Variants in SRBD1 observed in about 807,000 individuals in gnomAD.
SRBD1 encodes S1 RNA-binding domain-containing protein 1.
In SRBD1, 88 loss-of-function variants were observed where a neutral mutation model predicts 115.3. The ratio of observed to expected loss-of-function variants is 0.76; its 90% confidence interval spans 0.64 to 0.91. The LOEUF is 0.91. Among genes scored for constraint, SRBD1 ranks in the 40% least tolerant of loss-of-function variants. The pLI, the probability that SRBD1 is intolerant of heterozygous loss-of-function variation, is 0.00. For synonymous variants in SRBD1, 509 were observed against 407.7 expected (o/e 1.25, Z -2.99); for missense variants, 1,385 against 1,177.4 (o/e 1.18, Z -2.58).
intron 4 of SRBD1, among the ~76,000 whole-genome samples, chr2:45,596,943 CACACACACCCACAACCCTA>C (rs1349782653): frequency 6.7e-6 from 1 of 148,454 alleles, no homozygotes; most frequent in Non-Finnish European, 1.5e-5. Context: ...CACACACACA[CACACACACCCACAACCCTA>C]ACACACACAC....
chr2:45,423,236 A>C (rs1668058094), intron 16 of SRBD1, among the ~76,000 whole-genome samples: 1 of 152,210 alleles, frequency 6.6e-6, no homozygotes, highest in African/African-American at 2.4e-5. Flanking sequence ...CTAAAATGAA[A>C]ACAATGGAAA....
intron 4 of SRBD1, among the ~76,000 whole-genome samples, chr2:45,588,647 A>C (rs544124325): frequency 6.6e-6 from 1 of 152,202 alleles, no homozygotes. Context: ...GGCTCAAGGA[A>C]CCAGCTGTTT....
chr2:45,466,915 T>C (rs959019575), intron 16 of SRBD1, among the ~76,000 whole-genome samples: 3 of 152,222 alleles, frequency 2.0e-5, no homozygotes, highest in African/African-American at 7.2e-5. Context: ...AGCACAGTTA[T>C]CACCTGAGTG....
intron 16 of SRBD1, among the ~76,000 whole-genome samples, chr2:45,473,173 A>C (rs1669702157): frequency 6.6e-6 from 1 of 151,402 alleles, no homozygotes; most frequent in South Asian, 2.1e-4. Flanking sequence ...TTTACATTTT[A>C]CTCTCATGAT....
chr2:45,417,597 T>C (rs1344100351), intron 18 of SRBD1, among the ~76,000 whole-genome samples: 1 of 152,228 alleles, frequency 6.6e-6, no homozygotes, highest in Non-Finnish European at 1.5e-5. Flanking sequence ...AACCACGTAG[T>C]CCCAAAGTAG....
At chr2:45,467,365 T>C (rs548140889) in intron 16 of SRBD1, among the ~76,000 whole-genome samples, 7 of 152,256 alleles carry the variant, frequency 4.6e-5, no homozygotes, top group African/African-American at 1.4e-4. Flanking sequence ...ATTTAAATAA[T>C]TTAAGAGTGA....
chr2:45,577,060 C>T (rs1572798054), intron 7 of SRBD1, among the ~76,000 whole-genome samples: 1 of 152,038 alleles, frequency 6.6e-6, no homozygotes, highest in African/African-American at 2.4e-5. Flanking sequence ...AAGTACTTCA[C>T]GGAGTGTCCC....
intron 16 of SRBD1, among the ~76,000 whole-genome samples, chr2:45,445,549 G>GAAAAAAAAAAAA (rs1415666261): frequency 2.1e-5 from 1 of 47,152 alleles, no homozygotes; most frequent in Non-Finnish European, 3.6e-5. Context: ...CTTCCCAGAG[G>GAAAAAAAAAAAA]TAAAAAAAAA....
chr2:45,462,933 C>A (rs1433208769), intron 16 of SRBD1, among the ~76,000 whole-genome samples: 1 of 149,246 alleles, frequency 6.7e-6, no homozygotes, highest in Non-Finnish European at 1.5e-5. Context: ...TTTCTGTGGA[C>A]TGAAAAACAA....
At chr2:45,436,554 GA>G (rs1668505065) in intron 16 of SRBD1, among the ~76,000 whole-genome samples, 1 of 152,190 alleles carries the variant, frequency 6.6e-6, no homozygotes, top group Admixed American at 6.5e-5. Context: ...GAGGCCTCAG[GA>G]AACTTACAAT....
intron 16 of SRBD1, among the ~76,000 whole-genome samples, chr2:45,426,120 C>A (rs1297165335): frequency 6.6e-6 from 1 of 152,194 alleles, no homozygotes; most frequent in African/African-American, 2.4e-5. Flanking sequence ...TCACTGCCAG[C>A]ACAGCAGTCT....
intron 5 of SRBD1, among the ~76,000 whole-genome samples, chr2:45,585,191 C>T (rs1473184727): frequency 6.6e-6 from 1 of 151,908 alleles, no homozygotes; most frequent in Non-Finnish European, 1.5e-5. Context: ...TACATATTTC[C>T]TACCAAACTC....
intron 14 of SRBD1, among the ~76,000 whole-genome samples, chr2:45,523,696 T>TA (rs142573770): frequency 2.5e-4 from 37 of 148,694 alleles, no homozygotes; most frequent in East Asian, 1.4e-3. Flanking sequence ...AATTTGTAAT[T>TA]AAAAAAAAAA....
chr2:45,606,511 A>G (rs1674279923), intron 1 of SRBD1, among the ~76,000 whole-genome samples: 1 of 152,196 alleles, frequency 6.6e-6, no homozygotes, highest in Non-Finnish European at 1.5e-5. Flanking sequence ...CAAAGTTGGC[A>G]ATGAAATAAA....
chr2:45,435,092 A>G (rs1286954588), intron 16 of SRBD1, among the ~76,000 whole-genome samples: 1 of 152,136 alleles, frequency 6.6e-6, no homozygotes, highest in Non-Finnish European at 1.5e-5. Context: ...GTCCCTACAA[A>G]GGACATGAAC....
chr2:45,441,965 T>A (rs1668683129), intron 16 of SRBD1, among the ~76,000 whole-genome samples: 1 of 152,222 alleles, frequency 6.6e-6, no homozygotes, highest in Admixed American at 6.5e-5. Context: ...GAGTTCCTGT[T>A]AACTCACACC....
intron 18 of SRBD1, among the ~76,000 whole-genome samples, chr2:45,414,708 T>C (rs1033185117): frequency 3.5e-5 from 5 of 144,026 alleles, no homozygotes; most frequent in African/African-American, 5.3e-5. Context: ...AGTGTGTATA[T>C]AGTATGTATA....
At chr2:45,465,000 TACACACACACACAC>T (rs58288876) in intron 16 of SRBD1, among the ~76,000 whole-genome samples, 77 of 120,288 alleles carry the variant, frequency 6.4e-4, no homozygotes, top group African/African-American at 1.3e-3. Flanking sequence ...GTTGAGATTG[TACACACACACACAC>T]ACACACACAC....
Position 45,470,630 on chromosome 2 carries a change from G to A in SRBD1, c.2049+6363C>T, listed in dbSNP as rs192524024. Among the ~76,000 whole-genome samples, 138 of 152,292 alleles carry A rather than the reference G, an allele frequency of 9.1e-4. 2 individuals are homozygous for A. The highest frequency in any genetic ancestry group is 6.8e-3 in the Middle Eastern group (2 of 294). ...AGTAAATCCAATGTATTTAAGTTGA[G>A]CTTTCAGGATATGACAAGGCCAAGC... On this transcript the variant is annotated intron_variant, in intron 16 of 20. Coordinates refer to ENST00000263736, the MANE Select transcript of SRBD1 (RefSeq NM_018079.5).
Sources: allele counts gnomAD v4.1 joint callset (sites outside exome capture counted in the v4.1 genomes callset), GRCh38; gene constraint gnomAD v4.1.1; transcripts MANE v1.5; gene names NCBI Gene and HGNC (gene_info 2026-07-23, HGNC 2026-07-21).